The following NCL variants were observed in gnomAD, a reference collection of about 807,000 sequenced individuals.
NCL encodes the protein nucleolin multifunctional protein.
NCL carries 4 observed loss-of-function variants against 77.7 expected under a neutral mutation model. The observed-to-expected ratio is 0.05, with a 90% CI of 0.03 to 0.12. The LOEUF is 0.12. Among genes scored for constraint, NCL ranks in the 10% least tolerant of loss-of-function variants. The pLI is 1.00. For missense variants in NCL, 763 were observed against 860.9 expected (o/e 0.89, Z 1.42); for synonymous variants, 344 against 297.8 (o/e 1.16, Z -1.60).
At position 231,456,734 on chromosome 2, in the gene NCL, T is replaced by C. The variant is rs1372543490; in HGVS notation, c.1602A>G (p.Glu534=). The change falls in exon 11 of 14, where the codon GAA becomes GAG. Residue 534 remains glutamate, a synonymous_variant. Coordinates refer to ENST00000322723, the MANE Select transcript of NCL (RefSeq NM_005381.3). ...GYAFIEFASF[E]DAKEALNSCN... is the part of the protein sequence containing the mutation. ...AGGAATTTAAAGCTTCTTTAGCGTC[T>C]TCGAATGAAGCAAACTCTATAAATG... 7 of 1,614,062 alleles carry C rather than the reference T, an allele frequency of 4.3e-6. No homozygotes were observed. Among genetic ancestry groups the C allele is most frequent in the Admixed American group, 1.7e-5 (1 of 59,998 alleles).
intron 5 of NCL, 70 bp downstream of exon 5, chr2:231,460,408 T>C (rs1277036221): frequency 1.9e-6 from 3 of 1,591,572 alleles, no homozygotes; most frequent in South Asian, 1.1e-5. Flanking sequence ...CAGGTTTCAG[T>C]ATTAAGTCCC....
chr2:231,458,191 C>A, intron 8 of NCL, 75 bp downstream of exon 8: 1 of 1,557,498 alleles, frequency 6.4e-7, no homozygotes, highest in Admixed American at 1.9e-5. Context: ...GGAAATCAAA[C>A]CAATATTTCT....
chr2:231,463,350 A>C (rs1575264519), intron 1 of NCL, 34 bp from the exon 2 acceptor site: 1 of 1,352,984 alleles, frequency 7.4e-7, no homozygotes, highest in South Asian at 1.2e-5. Flanking sequence ...TTACACCTCC[A>C]CCTCGACATT....
At chr2:231,463,671 G>T (rs571357249) in intron 1 of NCL, 100 of 232,482 alleles carry the variant, frequency 4.3e-4, no homozygotes, top group Non-Finnish European at 6.7e-4. Flanking sequence ...TAACGGTGAA[G>T]ATCATTAAGG....
rs201409564 is a variant in NCL at position 231,454,846 on chromosome 2, C to CAA, written c.*343_*344dup. 1,792 of 96,770 alleles carry CAA rather than the reference C, an allele frequency of 0.019. 34 individuals are homozygous for CAA. Among genetic ancestry groups the CAA allele is most frequent in the Middle Eastern group, 0.028 (5 of 180 alleles). 6.0% of individuals were successfully genotyped at this position (96,770 alleles called of 1,614,324 possible). A position where few individuals can be genotyped will look rare whatever the true frequency, so the allele number is the denominator to read the frequency against. ...CTTTTCTTTTACAACCCCACGAACG[C>CAA]AAAAAAAAAAAAAACAAAAACAAAA... On this transcript the variant is annotated 3_prime_UTR_variant, in exon 14 of 14. Coordinates refer to ENST00000322723, the MANE Select transcript of NCL (RefSeq NM_005381.3).
intron 7 of NCL, 132 bp downstream of exon 7, chr2:231,458,869 C>T (rs1318043679): frequency 2.0e-6 from 2 of 997,046 alleles, no homozygotes; most frequent in East Asian, 5.7e-5. Flanking sequence ...TTAATTCCCA[C>T]ATTAAGAGGA....
chr2:231,459,645 G>A (rs544368478), intron 6 of NCL, among the ~76,000 whole-genome samples: 26 of 151,926 alleles, frequency 1.7e-4, no homozygotes, highest in African/African-American at 5.8e-4. Context: ...GGTGGCTCAC[G>A]CCTGTAATCC....
In NCL at chr2:231,455,423, G is replaced by A; in HGVS notation, c.2034C>T (p.Gly678=). The change falls in exon 13 of 14, where the codon GGC becomes GGT. Residue 678 remains glycine (G), a synonymous_variant. Transcript: ENST00000322723. ...TACCTCCAAAGCCTCCCCGGCCTCTGCCACCAAATCCTCCTCGGCCTCCTC... is the reference window on the plus strand; with the variant it reads ...TACCTCCAAAGCCTCCCCGGCCTCTACCACCAAATCCTCCTCGGCCTCCTC... ...GGRGGRGGFG[G]RGRGGFGGRG... 6.2e-7 allele frequency: 1 copy of A among 1,614,036 alleles called. No individual in the cohort carries two copies. The highest frequency in any genetic ancestry group is 8.5e-7 in the Non-Finnish European group (1 of 1,180,002).
chr2:231,456,946 T>C, intron 10 of NCL, 55 bp downstream of exon 10: 10 of 1,595,174 alleles, frequency 6.3e-6, no homozygotes, highest in Non-Finnish European at 8.5e-6. Flanking sequence ...TACGTTCCTT[T>C]AGACCTCTAA....
chr2:231,457,277 A>G, intron 9 of NCL, 153 bp from the exon 10 acceptor site: 1 of 1,061,924 alleles, frequency 9.4e-7, no homozygotes, highest in African/African-American at 1.6e-5. Context: ...TACTCAACAT[A>G]TTAAGTACCT....
chr2:231,464,411 C>T lies in NCL; in HGVS notation c.-58G>A, dbSNP rs1329094686. 5 of 1,579,740 alleles carry T rather than the reference C, an allele frequency of 3.2e-6. No homozygotes were observed. Among genetic ancestry groups the T allele is most frequent in the African/African-American group, 1.4e-5 (1 of 74,048 alleles). On this transcript the variant is annotated 5_prime_UTR_variant, in exon 1 of 14. Transcript: ENST00000322723. ...GCAGATGAGTCCAGAAGAAGCCAAG[C>T]GACGGCGATGGCGGCCGCGGGTGCT...
chr2:231,454,988 C>CTCTT lies in NCL; in HGVS notation c.*199_*202dup, dbSNP rs2046870195. Reference sequence around the variant, plus strand: ...GATAAGGGTTAGCTCTATCACTCAACTCTTTAAAAAGTTTATATGAATATC... The same window carrying CTCTT: ...GATAAGGGTTAGCTCTATCACTCAACTCTTTCTTTAAAAAGTTTATATGAATATC... On this transcript the variant is annotated 3_prime_UTR_variant, in exon 14 of 14. Coordinates refer to ENST00000322723, the MANE Select transcript of NCL (RefSeq NM_005381.3). 1 of 552,862 alleles carries CTCTT rather than the reference C, an allele frequency of 1.8e-6. No individual in the cohort carries two copies. Among genetic ancestry groups the CTCTT allele is most frequent in the Non-Finnish European group, 3.2e-6 (1 of 312,798 alleles). The allele number at this position is 552,862 out of a possible 1,614,324, so 34.2% of individuals were successfully genotyped here.
intron 11 of NCL, 27 bp downstream of exon 11, chr2:231,456,604 C>T (rs1453265231): frequency 6.2e-7 from 1 of 1,613,636 alleles, no homozygotes; most frequent in African/African-American, 1.3e-5. Flanking sequence ...TACCCCCAAC[C>T]ACAGCACCCT....
In NCL at chr2:231,456,141, G is replaced by T; in HGVS notation, c.1706-5C>A. On this transcript the variant is annotated splice_polypyrimidine_tract_variant and splice_region_variant and intron_variant, in intron 11 of 13. Transcript: ENST00000322723. The stretch of plus-strand genomic sequence containing the variant: ...CAAACAGAGTTTTGGATGGCTCTGG[G>T]AAGGAAAAAAAAATGTGACTTTATG... 2 of 1,592,198 alleles carry T rather than the reference G, an allele frequency of 1.3e-6. No homozygotes were observed. Among genetic ancestry groups the T allele is most frequent in the Non-Finnish European group, 1.7e-6 (2 of 1,171,704 alleles).
Position 231,455,446 on chromosome 2 carries a change from C to T in NCL, c.2011G>A (p.Gly671Arg), listed in dbSNP as rs1178132433. The T allele has an allele frequency of 1.9e-6, 3 of 1,614,186 alleles. No homozygotes were observed. Among genetic ancestry groups the T allele is most frequent in the Admixed American group, 1.7e-5 (1 of 60,022 alleles). The part of the protein sequence containing the change: ...GGFGGRGGGR[G>R]GRGGFGGRGR... ...CTGCCACCAAATCCTCCTCGGCCTC[C>T]TCTACCACCACCTCGTCCTCCAAAG... Residue 671 changes from glycine (G) to arginine (R), a missense_variant, in exon 13 of 14, where the codon GGA (glycine) becomes AGA (arginine). Around this residue, in one of 2 missense-constraint regions of NCL, gnomAD observed 173 missense variants for 290.4 expected, o/e 0.60. Transcript: ENST00000322723.
chr2:231,457,107 C>T lies in NCL; in HGVS notation c.1465G>A (p.Val489Ile). The T allele has an allele frequency of 3.1e-6, 5 of 1,613,758 alleles. No homozygotes were observed. Among genetic ancestry groups the T allele is most frequent in the Non-Finnish European group, 4.2e-6 (5 of 1,179,908 alleles). The change falls in exon 10 of 14, where the codon GTT becomes ATT. Residue 489 changes from valine (V) to isoleucine (I), a missense_variant. Transcript: ENST00000322723. ...STWSGESKTLVLSNLSYSATE... is the reference protein window; with the variant it reads ...STWSGESKTLILSNLSYSATE... ...GCACTGTAGGAGAGGTTGCTTAAAA[C>T]CAGAGTTTTTGATTCACCTGCAAAT...
At position 231,461,620 on chromosome 2, in the gene NCL, G is replaced by A. The variant is rs896015170; in HGVS notation, c.533C>T (p.Ala178Val). 9 of 1,602,506 alleles carry A rather than the reference G, an allele frequency of 5.6e-6. No homozygotes were observed. Among genetic ancestry groups the A allele is most frequent in the African/African-American group, 1.3e-5 (1 of 74,806 alleles). The change falls in exon 3 of 14, where the codon GCA becomes GTA. Residue 178 changes from alanine (A) to valine (V), a missense_variant. Around this residue, in one of 2 missense-constraint regions of NCL, gnomAD observed 590 missense variants for 570.5 expected, o/e 1.03. Transcript: ENST00000322723. ...ATCCTCTGAGGCAGGGGCAGCAGCT[G>A]CTGCTTTCATCGCTGCTGGTTCAAT... The part of the protein sequence containing the change: ...DEIEPAAMKA[A>V]AAAPASEDED...
intron 11 of NCL, 178 bp from the exon 12 acceptor site, chr2:231,456,314 A>T: frequency 1.1e-6 from 1 of 921,302 alleles, no homozygotes; most frequent in Non-Finnish European, 1.7e-6. Context: ...TACATTTTTT[A>T]ATTGCCATTG....
rs1308001208 is a variant in NCL, at chr2:231,455,441, GCCTCCTCTACCACCACCTCGT to G, written c.1995_2015del (p.Gly669_Gly675del). 2.5e-6 allele frequency: 4 copies of G among 1,613,812 alleles called. No individual in the cohort carries two copies. The highest frequency in any genetic ancestry group is 2.2e-5 in the East Asian group (1 of 44,888). ...GGCCTCTGCCACCAAATCCTCCTCG[GCCTCCTCTACCACCACCTCGT>G]CCTCCAAAGCCGCCTCTGCCTCCAC... On this transcript the variant is annotated inframe_deletion, in exon 13 of 14. Transcript: ENST00000322723.
Sources: allele counts gnomAD v4.1 joint callset (sites outside exome capture counted in the v4.1 genomes callset), GRCh38; gene constraint gnomAD v4.1.1; regional missense constraint gnomAD v4.1.1; transcripts MANE v1.5; gene names NCBI Gene and HGNC (gene_info 2026-07-23, HGNC 2026-07-21).